Variants in PLCE1 observed in about 807,000 individuals in gnomAD.
The protein encoded by PLCE1 is 1-phosphatidylinositol 4,5-bisphosphate phosphodiesterase epsilon-1.
A neutral mutation model predicts 242.8 loss-of-function variants in PLCE1; 119 were observed. The ratio of observed to expected loss-of-function variants is 0.49; its 90% confidence interval spans 0.42 to 0.57. The LOEUF (loss-of-function observed/expected upper bound fraction) is 0.57, where lower values mean the gene tolerates loss of function less well. Ranked by LOEUF, PLCE1 falls within the 20% of genes least tolerant of loss-of-function variation. PLCE1 has a pLI of 0.00. For missense variants in PLCE1, 2,441 were observed against 2,788.8 expected, an observed-to-expected ratio of 0.88 and a Z score of 2.81; for synonymous variants, 945 against 1,017.4, an observed-to-expected ratio of 0.93 and a Z score of 1.35.
At chr10:94,175,441 G>A (rs1259425771) in intron 4 of PLCE1, among the ~76,000 whole-genome samples, 8 of 151,666 alleles carry the variant, frequency 5.3e-5, no homozygotes, top group Non-Finnish European at 8.8e-5. Flanking sequence ...AATTTTTGTG[G>A]GTACATAGTA....
intron 2 of PLCE1, among the ~76,000 whole-genome samples, chr10:94,128,666 G>A (rs972192194): frequency 1.5e-4 from 23 of 152,126 alleles, no homozygotes; most frequent in African/African-American, 4.8e-4. Context: ...AGAGACTATG[G>A]CTTTCTCTCT....
chr10:94,232,551 G>A (rs1002084153), intron 5 of PLCE1, among the ~76,000 whole-genome samples: 4 of 151,976 alleles, frequency 2.6e-5, no homozygotes, highest in Admixed American at 2.6e-4. Flanking sequence ...ACCAATGGAG[G>A]GTGCTTTTAG....
intron 2 of PLCE1, among the ~76,000 whole-genome samples, chr10:94,050,459 G>A (rs975664283): frequency 3.9e-5 from 6 of 152,118 alleles, no homozygotes; most frequent in African/African-American, 1.2e-4. Flanking sequence ...AACACGTGGG[G>A]TCTATGGGGA....
At chr10:94,315,709 G>A (rs558903213) in intron 28 of PLCE1, among the ~76,000 whole-genome samples, 1 of 148,834 alleles carries the variant, frequency 6.7e-6, no homozygotes, top group Non-Finnish European at 1.5e-5. Flanking sequence ...GGCGGAGGTT[G>A]CAGTGAGCCG....
At chr10:94,292,459 A>C (rs1158312595) in intron 22 of PLCE1, among the ~76,000 whole-genome samples, 1 of 152,202 alleles carries the variant, frequency 6.6e-6, no homozygotes, top group East Asian at 1.9e-4. Flanking sequence ...CTGAAATCTG[A>C]AACACTTTCA....
Position 94,234,328 on chromosome 10 carries a change from A to T in PLCE1, c.2214+16A>T, listed in dbSNP as rs757154362. The T allele has an allele frequency of 2.4e-5, 39 of 1,612,956 alleles. No individual in the cohort carries two copies. The highest frequency in any genetic ancestry group is 3.1e-5 in the Non-Finnish European group (36 of 1,179,904). ...AACTTTAGAGGTAAGGCCTTTCAGA[A>T]TCATCGTGGCCTGAAGAGCCACTGT... On this transcript the variant is annotated intron_variant, in intron 6 of 32. Coordinates refer to ENST00000371380, the MANE Select transcript of PLCE1 (RefSeq NM_016341.4).
At chr10:94,158,646 C>T (rs1183525414) in intron 3 of PLCE1, among the ~76,000 whole-genome samples, 1 of 151,460 alleles carries the variant, frequency 6.6e-6, no homozygotes, top group Admixed American at 6.6e-5. Flanking sequence ...TAAGAGCCAT[C>T]GAAAATCTAA....
chr10:94,317,971 G>C (rs2053635768), intron 29 of PLCE1, among the ~76,000 whole-genome samples: 1 of 152,148 alleles, frequency 6.6e-6, no homozygotes, highest in African/African-American at 2.4e-5. Context: ...AGGTGCCTCA[G>C]GCCCATGCTT....
intron 6 of PLCE1, 24 bp from the exon 7 acceptor site, chr10:94,235,891 C>G: frequency 6.3e-7 from 1 of 1,598,876 alleles, no homozygotes; most frequent in Non-Finnish European, 8.6e-7. Context: ...GTTGCAATAG[C>G]AAATTCTCGA....
intron 7 of PLCE1, among the ~76,000 whole-genome samples, chr10:94,240,048 A>G (rs142813842): frequency 9.5e-4 from 144 of 152,122 alleles, no homozygotes; most frequent in African/African-American, 3.4e-3. Flanking sequence ...TTTGGCCAAC[A>G]CCTGAGACCC....
intron 5 of PLCE1, among the ~76,000 whole-genome samples, chr10:94,227,732 T>A (rs550404589): frequency 1.3e-5 from 2 of 152,270 alleles, no homozygotes; most frequent in East Asian, 1.9e-4. Context: ...CATAACCCGA[T>A]CAACCCCACC....
chr10:94,126,342 C>T (rs74151055), intron 2 of PLCE1, among the ~76,000 whole-genome samples: 6,678 of 152,246 alleles, frequency 0.044, 472 homozygotes, highest in African/African-American at 0.14. Flanking sequence ...AATATAACAA[C>T]TTTGACTCCT....
At position 94,268,919 on chromosome 10, in the gene PLCE1, G is replaced by T; in HGVS notation, c.4282-10G>T. The T allele has an allele frequency of 1.3e-6, 2 of 1,564,168 alleles. No homozygotes were observed. Among genetic ancestry groups the T allele is most frequent in the South Asian group, 2.2e-5 (2 of 90,026 alleles). On this transcript the variant is annotated splice_polypyrimidine_tract_variant and intron_variant, in intron 16 of 32. Transcript: ENST00000371380. ...CTCACCTGGGGTGGATTCGCTCATT[G>T]ATCACACAGGTCCTTTTGCAAGGCT... is the stretch of plus-strand genomic sequence containing the variant.
chr10:94,090,380 A>T (rs771519345), intron 2 of PLCE1, among the ~76,000 whole-genome samples: 5 of 152,204 alleles, frequency 3.3e-5, no homozygotes, highest in Admixed American at 6.5e-5. Flanking sequence ...AGGGTTAAAA[A>T]TTTCAATTAA....
intron 2 of PLCE1, among the ~76,000 whole-genome samples, chr10:94,118,913 G>C (rs1487202975): frequency 6.6e-6 from 1 of 151,978 alleles, no homozygotes; most frequent in Non-Finnish European, 1.5e-5. Context: ...CCATTTTTTT[G>C]TAGTTCCCCA....
chr10:94,116,046 G>A (rs1024668500), intron 2 of PLCE1, among the ~76,000 whole-genome samples: 1 of 152,068 alleles, frequency 6.6e-6, no homozygotes. Context: ...GGAGAACAGC[G>A]GGCATCTCCA....
chr10:94,185,537 C>A (rs533964956), intron 4 of PLCE1, among the ~76,000 whole-genome samples: 65 of 152,206 alleles, frequency 4.3e-4, no homozygotes, highest in African/African-American at 1.5e-3. Context: ...TGGGGTTCTG[C>A]CACTTACTGT....
chr10:94,172,143 C>G (rs2048003527), intron 4 of PLCE1, among the ~76,000 whole-genome samples: 1 of 152,144 alleles, frequency 6.6e-6, no homozygotes, highest in Admixed American at 6.6e-5. Context: ...GCGTGGGGGT[C>G]TAGGGACTCA....
chr10:94,142,038 G>C (rs2046988881), intron 3 of PLCE1, among the ~76,000 whole-genome samples: 1 of 152,190 alleles, frequency 6.6e-6, no homozygotes, highest in South Asian at 2.1e-4. Flanking sequence ...AGACTCTGCA[G>C]AAGTGGTTAC....
Sources: gnomAD v4.1 joint callset for allele counts (sites outside exome capture counted in the v4.1 genomes callset) on GRCh38, gnomAD v4.1.1 for gene constraint, MANE v1.5 for transcripts, NCBI Gene and HGNC (gene_info 2026-07-23, HGNC 2026-07-21) for gene names.